Variants in LRBA observed in about 807,000 individuals in gnomAD.
LRBA encodes the protein LPS responsive beige-like anchor protein.
LRBA carries 176 observed loss-of-function variants against 330.0 expected under a neutral mutation model. The ratio of observed to expected loss-of-function variants is 0.53; its 90% CI spans 0.47 to 0.60. The LOEUF (loss-of-function observed/expected upper bound fraction) is 0.60. Ranked by LOEUF, LRBA falls within the 20% of genes least tolerant of loss-of-function variation. LRBA has a pLI of 0.00. For synonymous variants in LRBA, 1,230 were observed against 1,193.0 expected (o/e 1.03, Z -0.64); for missense variants, 3,259 against 3,444.8 (o/e 0.95, Z 1.35).
At chr4:150,678,467 A>C (rs1179121880) in intron 37 of LRBA, among the ~76,000 whole-genome samples, 1 of 152,164 alleles carries the variant, frequency 6.6e-6, no homozygotes, top group Admixed American at 6.5e-5. Flanking sequence ...ATGAGCATAT[A>C]GGTGAGTCTC....
At chr4:150,486,857 T>C (rs939706044) in intron 42 of LRBA, among the ~76,000 whole-genome samples, 6 of 151,926 alleles carry the variant, frequency 3.9e-5, no homozygotes, top group Non-Finnish European at 7.4e-5. Context: ...AGTCTAACTT[T>C]TTTAGATTTC....
intron 17 of LRBA, among the ~76,000 whole-genome samples, chr4:150,885,933 C>T (rs72961898): frequency 0.031 from 4,653 of 151,872 alleles, 191 homozygotes; most frequent in African/African-American, 0.1. Context: ...AGCAAATATG[C>T]CTTGTAAGAA....
At chr4:150,856,663 T>A (rs1284102652) in intron 22 of LRBA, among the ~76,000 whole-genome samples, 1 of 152,176 alleles carries the variant, frequency 6.6e-6, no homozygotes, top group African/African-American at 2.4e-5. Context: ...TAAATTGCAA[T>A]TGAACAACTA....
At chr4:150,459,448 C>G (rs765230909) in intron 44 of LRBA, among the ~76,000 whole-genome samples, 1 of 151,906 alleles carries the variant, frequency 6.6e-6, no homozygotes, top group Non-Finnish European at 1.5e-5. Flanking sequence ...GACTGACAGA[C>G]AGATTTGAGA....
intron 40 of LRBA, chr4:150,581,262 G>A (rs1308255174): frequency 2.5e-6 from 1 of 397,838 alleles, no homozygotes; most frequent in Non-Finnish European, 5.0e-6. Context: ...TTTTTGCCCT[G>A]CCCTGTTTTT....
chr4:150,940,239 T>C (rs114943776), intron 2 of LRBA, among the ~76,000 whole-genome samples: 4 of 142,438 alleles, frequency 2.8e-5, no homozygotes, highest in Admixed American at 7.0e-5. Flanking sequence ...CCTGGTCTCT[T>C]AAAAAAAAAA....
chr4:150,504,925 C>G (rs1198898238), intron 40 of LRBA, among the ~76,000 whole-genome samples: 1 of 152,110 alleles, frequency 6.6e-6, no homozygotes, highest in Non-Finnish European at 1.5e-5. Context: ...GGGTTGCAAT[C>G]CTAGTCTCTG....
chr4:150,556,383 G>C (rs2152259162), intron 40 of LRBA, among the ~76,000 whole-genome samples: 1 of 152,240 alleles, frequency 6.6e-6, no homozygotes, highest in Middle Eastern at 3.4e-3. Flanking sequence ...TGATTATATG[G>C]TTAATGTCTA....
At chr4:150,607,959 TGGGA>T (rs1774833894) in intron 37 of LRBA, among the ~76,000 whole-genome samples, 1 of 152,124 alleles carries the variant, frequency 6.6e-6, no homozygotes, top group African/African-American at 2.4e-5. Flanking sequence ...TGCTTGAACC[TGGGA>T]GGCAGAAGTT....
intron 2 of LRBA, among the ~76,000 whole-genome samples, chr4:150,930,508 T>A (rs1335263210): frequency 6.6e-6 from 1 of 151,496 alleles, no homozygotes; most frequent in Non-Finnish European, 1.5e-5. Flanking sequence ...AAAATAAAAA[T>A]AAAAATAAAT....
intron 17 of LRBA, among the ~76,000 whole-genome samples, chr4:150,877,616 A>G (rs1754195202): frequency 6.6e-6 from 1 of 152,232 alleles, no homozygotes; most frequent in South Asian, 2.1e-4. Flanking sequence ...GGCATTAGAC[A>G]TGCCATGGAG....
At chr4:150,505,676 A>G (rs1760969404) in intron 40 of LRBA, among the ~76,000 whole-genome samples, 1 of 151,976 alleles carries the variant, frequency 6.6e-6, no homozygotes. Context: ...AAGAACTAGA[A>G]AAGCAAGAGC....
At chr4:150,941,165 A>ATG (rs1379941749) in intron 2 of LRBA, among the ~76,000 whole-genome samples, 2 of 151,826 alleles carry the variant, frequency 1.3e-5, no homozygotes, top group African/African-American at 4.8e-5. Context: ...AAAAATATAT[A>ATG]TATATATTTT....
At chr4:150,408,554 A>G (rs1399057334) in intron 47 of LRBA, among the ~76,000 whole-genome samples, 1 of 152,158 alleles carries the variant, frequency 6.6e-6, no homozygotes, top group Non-Finnish European at 1.5e-5. Context: ...GACTAGTATT[A>G]CCCTGATAAT....
chr4:150,941,950 A>G (rs776667073), intron 2 of LRBA, among the ~76,000 whole-genome samples: 3 of 152,204 alleles, frequency 2.0e-5, no homozygotes, highest in Non-Finnish European at 4.4e-5. Flanking sequence ...TAAAGACAGT[A>G]AAGTGTTTTT....
At chr4:150,836,107 T>C (rs906371874) in intron 28 of LRBA, among the ~76,000 whole-genome samples, 1 of 152,348 alleles carries the variant, frequency 6.6e-6, no homozygotes, top group African/African-American at 2.4e-5. Context: ...TTACGTTTAT[T>C]GATTTCCATA....
At chr4:150,871,481 A>T in intron 18 of LRBA, 28 bp from the exon 19 acceptor site, 1 of 1,353,250 alleles carries the variant, frequency 7.4e-7, no homozygotes, top group Non-Finnish European at 1.1e-6. Context: ...GAAATCATCA[A>T]ATGTAGAGCT....
intron 37 of LRBA, among the ~76,000 whole-genome samples, chr4:150,663,373 T>C (rs1781292415): frequency 1.3e-5 from 2 of 151,990 alleles, no homozygotes; most frequent in Non-Finnish European, 2.9e-5. Flanking sequence ...AGATGTCAAA[T>C]TGATGACAGA....
intron 34 of LRBA, among the ~76,000 whole-genome samples, chr4:150,765,083 G>A (rs1236070349): frequency 1.6e-4 from 23 of 143,966 alleles, no homozygotes; most frequent in Non-Finnish European, 2.7e-4. Context: ...ATTATTCAGC[G>A]CTAAAAAAAA....
Sources: allele counts gnomAD v4.1 joint callset (sites outside exome capture counted in the v4.1 genomes callset), GRCh38; gene constraint gnomAD v4.1.1; transcripts MANE v1.5; gene names NCBI Gene and HGNC (gene_info 2026-07-23, HGNC 2026-07-21).